ADAM28: variants seen among roughly 807,000 people sequenced by gnomAD.
ADAM28 encodes the protein disintegrin and metalloproteinase domain-containing protein 28.
In ADAM28, 105 loss-of-function variants were observed where a neutral mutation model predicts 101.2. That is an observed-to-expected ratio of 1.04 (90% CI 0.89 to 1.22). The LOEUF is 1.22. Among genes scored for constraint, ADAM28 ranks in the 50% most tolerant of loss-of-function variants. The pLI is 0.00. For missense variants in ADAM28, 1,028 were observed against 945.4 expected, an observed-to-expected ratio of 1.09 and a Z score of -1.15; for synonymous variants, 322 against 310.6, an observed-to-expected ratio of 1.04 and a Z score of -0.39.
chr8:24,319,467 C>T (rs762390236), intron 6 of ADAM28, among the ~76,000 whole-genome samples: 1 of 151,950 alleles, frequency 6.6e-6, no homozygotes, highest in African/African-American at 2.4e-5. Context: ...ATAAATATTT[C>T]GTTCCCATGG....
In ADAM28 at chr8:24,330,225, TAAATGTG is replaced by T. The variant is rs1813192899; in HGVS notation, c.1103+111_1103+117del. 2.2e-6 allele frequency: 3 copies of T among 1,340,644 alleles called. No homozygotes were observed. The East Asian group carries it at 7.1e-5, about 32-fold the overall frequency. 83.0% of individuals were successfully genotyped at this position (1,340,644 alleles called of 1,614,324 possible). ...CAACGTGTTCGAGTTTTTGAGTCAC[TAAATGTG>T]CATTTGTGCCAAGCCACCTCATCTA... On this transcript the variant is annotated intron_variant, in intron 11 of 22. Transcript: ENST00000265769.
intron 6 of ADAM28, among the ~76,000 whole-genome samples, chr8:24,317,432 GA>G (rs1439266123): frequency 6.6e-6 from 1 of 151,998 alleles, no homozygotes; most frequent in African/African-American, 2.4e-5. Flanking sequence ...ACACACTGGG[GA>G]AAGGATAGTC....
chr8:24,330,561 A>G (rs1347750612), intron 11 of ADAM28, among the ~76,000 whole-genome samples: 2 of 152,134 alleles, frequency 1.3e-5, no homozygotes, highest in Non-Finnish European at 2.9e-5. Flanking sequence ...AAATCTCACA[A>G]TCTTTTTTAA....
rs555216811 is a variant in ADAM28 at position 24,358,144 on chromosome 8, C to CTT, written c.*3742_*3743dup. 3.3e-5 allele frequency: 5 copies of CTT among 152,236 alleles called. No individual in the cohort carries two copies. In the South Asian group the frequency reaches 1.0e-3, roughly 32 times the overall value. 9.4% of individuals were successfully genotyped at this position (152,236 alleles called of 1,614,324 possible). A position where few individuals can be genotyped will look rare whatever the true frequency, so the allele number is the denominator to read the frequency against. ...AAAATTAAAGCAAAATGTGTATAAA[C>CTT]TTTATTACTGCTTCCCACAGTAAAT... On this transcript the variant is annotated 3_prime_UTR_variant, in exon 23 of 23. Transcript: ENST00000265769.
intron 6 of ADAM28, among the ~76,000 whole-genome samples, chr8:24,314,538 G>T (rs1287363389): frequency 6.6e-6 from 1 of 151,924 alleles, no homozygotes; most frequent in South Asian, 2.1e-4. Context: ...AATGTTCTCA[G>T]AGTCTGTGAG....
chr8:24,305,995 C>G (rs913928410), intron 2 of ADAM28, among the ~76,000 whole-genome samples: 26 of 152,122 alleles, frequency 1.7e-4, no homozygotes, highest in Non-Finnish European at 2.9e-4. Flanking sequence ...ATATCAAAAA[C>G]CGCATGACAG....
chr8:24,315,912 T>G (rs78529548), intron 6 of ADAM28, among the ~76,000 whole-genome samples: 2,875 of 152,016 alleles, frequency 0.019, 98 homozygotes, highest in African/African-American at 0.064. Context: ...AAAAAATACA[T>G]GATCATATCA....
intron 18 of ADAM28, among the ~76,000 whole-genome samples, chr8:24,346,013 T>A (rs953123989): frequency 6.6e-6 from 1 of 152,048 alleles, no homozygotes; most frequent in Non-Finnish European, 1.5e-5. Context: ...CTATTTCTTA[T>A]CTAACCATCA....
rs1434022258 is a variant in ADAM28 at position 24,321,192 on chromosome 8, ATATTCTTTCT to A, written c.649-23_649-14del. ...AGTATATTCATTTTTATCAATGCCCATATTCTTTCTTAATTTTTCTTTTAGTTTAAAAGGT... is the reference window on the plus strand; with the variant it reads ...AGTATATTCATTTTTATCAATGCCCATAATTTTTCTTTTAGTTTAAAAGGT... On this transcript the variant is annotated splice_polypyrimidine_tract_variant and intron_variant, in intron 7 of 22. Coordinates refer to ENST00000265769, the MANE Select transcript of ADAM28 (RefSeq NM_014265.6). 4 of 1,445,656 alleles carry A rather than the reference ATATTCTTTCT, an allele frequency of 2.8e-6. No homozygotes were observed. The South Asian group carries it at 4.6e-5, about 17-fold the overall frequency. 89.6% of individuals were successfully genotyped at this position (1,445,656 alleles called of 1,614,324 possible).
intron 6 of ADAM28, among the ~76,000 whole-genome samples, 178 bp downstream of exon 6, chr8:24,313,758 A>ATT (rs11458720): frequency 3.1e-4 from 43 of 139,258 alleles, no homozygotes; most frequent in East Asian, 1.0e-3. Context: ...GGAATCAACT[A>ATT]TTTTTTTTTT....
chr8:24,311,818 A>C (rs758111711), intron 5 of ADAM28, among the ~76,000 whole-genome samples: 2 of 152,070 alleles, frequency 1.3e-5, no homozygotes, highest in African/African-American at 2.4e-5. Flanking sequence ...AGCTCACTGC[A>C]ATCTCAGTCT....
Position 24,339,569 on chromosome 8 carries a change from G to GT in ADAM28, c.1670+2dup, listed in dbSNP as rs1814517069. ...ACACACTCATTCCCTGCAAAGCAAA[G>GT]TAAGTGGCCTTGTCTGAACCTTCCT... On this transcript the variant is annotated splice_donor_variant, in intron 15 of 22. Transcript: ENST00000265769. LOFTEE classifies it high-confidence loss of function. The GT allele has an allele frequency of 6.2e-7, 1 of 1,610,172 alleles. No homozygotes were observed. Among genetic ancestry groups the GT allele is most frequent in the South Asian group, 1.1e-5 (1 of 90,182 alleles).
chr8:24,324,086 A>G, intron 9 of ADAM28, 83 bp downstream of exon 9: 1 of 1,339,894 alleles, frequency 7.5e-7, no homozygotes, highest in Non-Finnish European at 1.0e-6. Context: ...AGGGGTGCAC[A>G]TAGAGGGGTA....
At chr8:24,351,815 G>A (rs1458389056) in intron 20 of ADAM28, among the ~76,000 whole-genome samples, 172 bp from the exon 21 acceptor site, 2 of 152,084 alleles carry the variant, frequency 1.3e-5, no homozygotes, top group African/African-American at 2.4e-5. Context: ...ACAGCTCTGG[G>A]AAATACTTCT....
intron 6 of ADAM28, among the ~76,000 whole-genome samples, chr8:24,319,278 T>C (rs1049325060): frequency 1.3e-5 from 2 of 151,958 alleles, no homozygotes; most frequent in Admixed American, 6.6e-5. Context: ...TTTCACCTAT[T>C]CTGAAATAAC....
intron 2 of ADAM28, among the ~76,000 whole-genome samples, chr8:24,303,988 T>G (rs1470894741): frequency 6.6e-6 from 1 of 151,816 alleles, no homozygotes; most frequent in Non-Finnish European, 1.5e-5. Context: ...TCTTTATGTG[T>G]TTTTTTCTCA....
chr8:24,309,044 G>A (rs1481454692), intron 2 of ADAM28, among the ~76,000 whole-genome samples: 3 of 152,136 alleles, frequency 2.0e-5, no homozygotes, highest in East Asian at 3.8e-4. Context: ...GATATTGAGT[G>A]CAACCACAGC....
chr8:24,354,262 A>G, intron 22 of ADAM28, 122 bp from the exon 23 acceptor site: 1 of 841,096 alleles, frequency 1.2e-6, no homozygotes, highest in East Asian at 2.8e-5. Flanking sequence ...TGCTGTATCA[A>G]GTGACCTATG....
chr8:24,346,243 G>A (rs1264563183), intron 18 of ADAM28, among the ~76,000 whole-genome samples: 2 of 151,908 alleles, frequency 1.3e-5, no homozygotes, highest in South Asian at 2.1e-4. Flanking sequence ...AATAGTATTA[G>A]CAATATTCCA....
Sources: allele counts gnomAD v4.1 joint callset (sites outside exome capture counted in the v4.1 genomes callset), GRCh38; gene constraint gnomAD v4.1.1; transcripts MANE v1.5; gene names NCBI Gene and HGNC (gene_info 2026-07-23, HGNC 2026-07-21).